Variants in EFCAB8 observed in about 807,000 individuals in gnomAD.
The protein encoded by EFCAB8 is EF-hand calcium-binding domain-containing protein 8.
EFCAB8 carries 100 observed loss-of-function variants against 116.3 expected under a neutral mutation model. That is an observed-to-expected ratio of 0.86 (90% confidence interval 0.73 to 1.02). The LOEUF is 1.02. Ranked by LOEUF, EFCAB8 falls within the 50% of genes least tolerant of loss-of-function variation. EFCAB8 has a pLI of 0.00. For missense variants in EFCAB8, 1,320 were observed against 1,416.9 expected, an observed-to-expected ratio of 0.93 and a Z score of 1.10; for synonymous variants, 558 against 567.9, an observed-to-expected ratio of 0.98 and a Z score of 0.25.
intron 8 of EFCAB8, 129 bp downstream of exon 8, chr20:32,892,426 G>GCTGCT: frequency 1.3e-6 from 1 of 749,810 alleles, no homozygotes; most frequent in East Asian, 2.7e-5. Flanking sequence ...CTCCCCACTG[G>GCTGCT]CTCCAAGGCC....
chr20:32,882,121 C>G (rs180954262), intron 5 of EFCAB8, among the ~76,000 whole-genome samples: 85 of 152,202 alleles, frequency 5.6e-4, no homozygotes, highest in African/African-American at 1.8e-3. Context: ...TTGCTTGAAC[C>G]CAGGAGGCAG....
intron 23 of EFCAB8, among the ~76,000 whole-genome samples, chr20:32,949,332 T>A (rs981738442): frequency 3.9e-5 from 6 of 152,226 alleles, no homozygotes; most frequent in African/African-American, 1.4e-4. Flanking sequence ...TGATTAAGAA[T>A]AAAATTATCT....
chr20:32,954,991 T>G lies in EFCAB8; in HGVS notation c.2960-3430T>G, dbSNP rs1260813253. On this transcript the variant is annotated intron_variant, in intron 23 of 26. Coordinates refer to ENST00000400522, the MANE Select transcript of EFCAB8 (RefSeq NM_001143967.2). ...CAGGAACCATTGAGTGCCCAAAACCTTCTTGGTCCTGGACATCTATCCTCC... is the reference window on the plus strand; with the variant it reads ...CAGGAACCATTGAGTGCCCAAAACCGTCTTGGTCCTGGACATCTATCCTCC... 6.3e-5 allele frequency among the ~76,000 whole-genome samples: 7 copies of G among 111,868 alleles called. No homozygotes were observed. In the Admixed American group the frequency reaches 7.2e-4, roughly 12 times the overall value. 73.4% of individuals were successfully genotyped at this position (111,868 alleles called of 152,430 possible).
intron 3 of EFCAB8, 93 bp downstream of exon 3, chr20:32,867,840 G>A (rs1485664894): frequency 2.5e-5 from 35 of 1,385,956 alleles, no homozygotes; most frequent in Non-Finnish European, 3.2e-5. Flanking sequence ...GACATAATAA[G>A]CATTTTTTTT....
chr20:32,892,194 C>T lies in EFCAB8; in HGVS notation c.674-19C>T, dbSNP rs1026776318. On this transcript the variant is annotated intron_variant, in intron 7 of 26. Transcript: ENST00000400522. ...AGGCATGGCTGTGGGCTCTATGTGG[C>T]CTTCTGTCTTTCCCCCAGATTTCTT... 6.5e-7 allele frequency: 1 copy of T among 1,549,660 alleles called. No individual in the cohort carries two copies. The highest frequency in any genetic ancestry group is 8.7e-7 in the Non-Finnish European group (1 of 1,145,152).
chr20:32,911,427 G>C (rs956640563), intron 15 of EFCAB8, 53 bp from the exon 16 acceptor site: 1 of 1,417,668 alleles, frequency 7.1e-7, no homozygotes. Flanking sequence ...GACCACCCTT[G>C]GGAGTGGAGG....
intron 3 of EFCAB8, 35 bp from the exon 4 acceptor site, chr20:32,875,891 G>A: frequency 6.5e-7 from 1 of 1,538,960 alleles, no homozygotes; most frequent in Non-Finnish European, 8.8e-7. Context: ...GGACTTGTGA[G>A]GAAGGGGATG....
At chr20:32,934,788 T>C (rs1988039452) in intron 22 of EFCAB8, among the ~76,000 whole-genome samples, 1 of 152,208 alleles carries the variant, frequency 6.6e-6, no homozygotes, top group Admixed American at 6.5e-5. Flanking sequence ...TTGCTCCTCT[T>C]TCACCTCTGC....
intron 9 of EFCAB8, among the ~76,000 whole-genome samples, chr20:32,894,094 A>C (rs1364842874): frequency 6.6e-6 from 1 of 152,184 alleles, no homozygotes; most frequent in Non-Finnish European, 1.5e-5. Flanking sequence ...AGGGCCGCCT[A>C]GGGAACTCAT....
At chr20:32,952,540 A>G (rs905717509) in intron 23 of EFCAB8, among the ~76,000 whole-genome samples, 20 of 152,232 alleles carry the variant, frequency 1.3e-4, no homozygotes, top group African/African-American at 4.6e-4. Flanking sequence ...TCAAAAATCA[A>G]TTTGTTATTG....
chr20:32,882,760 A>G (rs527847513), intron 5 of EFCAB8, among the ~76,000 whole-genome samples: 47 of 151,628 alleles, frequency 3.1e-4, no homozygotes, highest in Non-Finnish European at 5.2e-4. Context: ...CAGTGGTGCA[A>G]TCTCGGCTCA....
At chr20:32,892,341 G>T in intron 8 of EFCAB8, 44 bp downstream of exon 8, 1 of 1,535,598 alleles carries the variant, frequency 6.5e-7, no homozygotes. Context: ...AGGAGGCCCA[G>T]GCCTCCTGCA....
Position 32,911,518 on chromosome 20 carries a change from G to C in EFCAB8, c.1596G>C (p.Trp532Cys). The C allele has an allele frequency of 6.6e-7, 1 of 1,510,740 alleles. No homozygotes were observed. The highest frequency in any genetic ancestry group is 8.9e-7 in the Non-Finnish European group (1 of 1,123,688). 93.6% of individuals were successfully genotyped at this position (1,510,740 alleles called of 1,614,324 possible). A position where few individuals can be genotyped will look rare whatever the true frequency, so the allele number is the denominator to read the frequency against. ...GCCTGCGCGGCACAGTGAGTGTGTG[G>C]GAGGTCGTGACGGGCAGGAAGACGA... is the stretch of plus-strand genomic sequence containing the variant. ...SGCLRGTVSV[W>C]EVVTGRKTME... The change falls in exon 16 of 27, where the codon TGG becomes TGC. Residue 532 changes from tryptophan (W) to cysteine (C), a missense_variant. Trp to Cys is a radical substitution (Grantham distance 215). Coordinates refer to ENST00000400522, the MANE Select transcript of EFCAB8 (RefSeq NM_001143967.2).
chr20:32,875,446 G>T (rs73262394), intron 3 of EFCAB8, among the ~76,000 whole-genome samples: 4,660 of 150,908 alleles, frequency 0.031, 214 homozygotes, highest in African/African-American at 0.099. Context: ...GCTGAGGACC[G>T]TAGGGGAGGC....
chr20:32,893,222 C>T lies in EFCAB8; in HGVS notation c.807C>T (p.Asn269=), dbSNP rs765774363. Residue 269 remains asparagine (N), a synonymous_variant, in exon 9 of 27, where the codon AAC becomes AAT. Transcript: ENST00000400522. The part of the protein sequence containing the change: ...GVFCYGDAKG[N]VIVFTSENMT... Reference sequence around the variant, plus strand: ...TCTGCTATGGAGACGCCAAAGGCAACGTCATTGTCTTCACCTCCGAAAACA... The same window carrying T: ...TCTGCTATGGAGACGCCAAAGGCAATGTCATTGTCTTCACCTCCGAAAACA... 2.6e-5 allele frequency: 41 copies of T among 1,551,920 alleles called. No homozygotes were observed. The highest frequency in any genetic ancestry group is 3.3e-5 in the Non-Finnish European group (38 of 1,147,072).
Position 32,906,729 on chromosome 20 carries a change from C to T in EFCAB8, c.1156+100C>T, listed in dbSNP as rs567562084. On this transcript the variant is annotated intron_variant, in intron 12 of 26. Coordinates refer to ENST00000400522, the MANE Select transcript of EFCAB8 (RefSeq NM_001143967.2). ...GAGAGGGCTGCACAGCATCTGGCCT[C>T]TGTCTGGCTTCCTCTCCTGCTGCTC... 1.6e-4 allele frequency: 114 copies of T among 724,876 alleles called. No homozygotes were observed. The African/African-American group carries it at 1.7e-3, about 11-fold the overall frequency. The allele number at this position is 724,876 out of a possible 1,614,324, so 44.9% of individuals were successfully genotyped here. A position where few individuals can be genotyped will look rare whatever the true frequency, so the allele number is the denominator to read the frequency against.
At chr20:32,934,736 C>T (rs924790529) in intron 22 of EFCAB8, among the ~76,000 whole-genome samples, 3 of 152,156 alleles carry the variant, frequency 2.0e-5, no homozygotes, top group African/African-American at 7.2e-5. Context: ...GGGCAGTTCC[C>T]CTGCTCATGC....
chr20:32,897,527 T>A (rs1986220001), intron 10 of EFCAB8, among the ~76,000 whole-genome samples: 1 of 151,840 alleles, frequency 6.6e-6, no homozygotes, highest in Non-Finnish European at 1.5e-5. Context: ...ACTGCAGCCT[T>A]GACCTCCCGG....
At chr20:32,889,502 G>A in intron 7 of EFCAB8, 96 bp downstream of exon 7, 1 of 1,236,516 alleles carries the variant, frequency 8.1e-7, no homozygotes, top group Non-Finnish European at 1.2e-6. Flanking sequence ...CTGTGAACAT[G>A]GATCAGAGCC....
Sources: allele counts gnomAD v4.1 joint callset (sites outside exome capture counted in the v4.1 genomes callset), GRCh38; gene constraint gnomAD v4.1.1; transcripts MANE v1.5; gene names NCBI Gene and HGNC (gene_info 2026-07-23, HGNC 2026-07-21).